Variants in GEN1 observed in about 807,000 individuals in gnomAD.
GEN1 encodes the protein flap endonuclease GEN homolog 1.
In GEN1, 64 loss-of-function variants were observed where a neutral mutation model predicts 67.6. The ratio of observed to expected loss-of-function variants is 0.95; its 90% CI spans 0.77 to 1.17. The LOEUF is 1.17. Among genes scored for constraint, GEN1 ranks in the 50% most tolerant of loss-of-function variants. The probability of loss-of-function intolerance (pLI) is 0.00; values close to 1 mark genes in which losing one functional copy is unlikely to be tolerated. For missense variants in GEN1, 1,058 were observed against 1,048.3 expected (o/e 1.01, Z -0.13); for synonymous variants, 371 against 359.4 (o/e 1.03, Z -0.37).
At chr2:17,753,916 T>TGGGGGAAGCTGGTAGGCACGGGC (rs1671252319), upstream of GEN1, 1 of 147,836 alleles carries the variant, frequency 6.8e-6, no homozygotes, top group African/African-American at 2.5e-5. Flanking sequence ...CCTTAGCGGG[T>TGGGGGAAGCTGGTAGGCACGGGC]GGGGGAAGCT....
chr2:17,764,725 GC>G (rs1671841681), intron 3 of GEN1, among the ~76,000 whole-genome samples, 171 bp from the exon 4 acceptor site: 2 of 152,222 alleles, frequency 1.3e-5, no homozygotes, highest in East Asian at 3.9e-4. Flanking sequence ...ATTCCTTAAA[GC>G]CCTCAAATAT....
chr2:17,777,987 G>C lies in GEN1; in HGVS notation c.1203-15G>C, dbSNP rs752267180. The stretch of plus-strand genomic sequence containing the variant: ...CTTATGCAATTAGACTTCATTAAAT[G>C]AATTTGTTTTTCAGAATTGTTAAGA... On this transcript the variant is annotated splice_polypyrimidine_tract_variant and intron_variant, in intron 11 of 13. Transcript: ENST00000381254. 2.0e-6 allele frequency: 3 copies of C among 1,466,892 alleles called. No individual in the cohort carries two copies. The Admixed American group carries it at 5.1e-5, about 25-fold the overall frequency. The allele number at this position is 1,466,892 out of a possible 1,614,324, so 90.9% of individuals were successfully genotyped here. A position where few individuals can be genotyped will look rare whatever the true frequency, so the allele number is the denominator to read the frequency against.
chr2:17,766,504 A>G (rs1416360303), intron 4 of GEN1, 75 bp from the exon 5 acceptor site: 7 of 803,724 alleles, frequency 8.7e-6, no homozygotes, highest in African/African-American at 3.5e-5. Flanking sequence ...AACATTGACA[A>G]ATTATTTTTG....
intron 5 of GEN1, among the ~76,000 whole-genome samples, chr2:17,767,155 G>A (rs891231905): frequency 5.9e-5 from 9 of 152,140 alleles, no homozygotes; most frequent in Non-Finnish European, 1.2e-4. Context: ...TCTCAGCGTT[G>A]TGCTGGGTTT....
chr2:17,773,526 T>C (rs1275351679), intron 10 of GEN1, among the ~76,000 whole-genome samples: 2 of 152,084 alleles, frequency 1.3e-5, no homozygotes, highest in Non-Finnish European at 2.9e-5. Flanking sequence ...AATTAGCATA[T>C]GTGGATATAT....
intron 7 of GEN1, 65 bp from the exon 8 acceptor site, chr2:17,772,569 G>T (rs1207930135): frequency 2.1e-6 from 3 of 1,443,210 alleles, no homozygotes; most frequent in East Asian, 2.3e-5. Context: ...CTGGCAAAAA[G>T]AATGTATGTA....
At chr2:17,776,334 C>CT (rs34349136) in intron 11 of GEN1, among the ~76,000 whole-genome samples, 5 of 151,350 alleles carry the variant, frequency 3.3e-5, no homozygotes, top group Admixed American at 2.0e-4. Flanking sequence ...CATAAAGGAC[C>CT]TTTTTTTTAG....
intron 7 of GEN1, 127 bp downstream of exon 7, chr2:17,771,414 T>C (rs1672184724): frequency 1.6e-6 from 1 of 634,966 alleles, no homozygotes; most frequent in Non-Finnish European, 2.8e-6. Context: ...CTCCACTAGA[T>C]TAGGAATTCC....
Position 17,786,664 on chromosome 2 carries a change from A to G in GEN1, c.*4725A>G, listed in dbSNP as rs774286657. ...ATTCTCTGTATTTATGTTTCCATACATCATTCAGTTCTTGACTCAAATATC... is the reference window on the plus strand; with the variant it reads ...ATTCTCTGTATTTATGTTTCCATACGTCATTCAGTTCTTGACTCAAATATC... On this transcript the variant is annotated 3_prime_UTR_variant, in exon 14 of 14. Coordinates refer to ENST00000381254, the MANE Select transcript of GEN1 (RefSeq NM_001130009.3). 3.9e-5 allele frequency: 6 copies of G among 152,198 alleles called. No individual in the cohort carries two copies. The highest frequency in any genetic ancestry group is 5.9e-5 in the Non-Finnish European group (4 of 68,026). The allele number at this position is 152,198 out of a possible 1,614,324, so 9.4% of individuals were successfully genotyped here.
At chr2:17,779,308 G>A (rs933540559) in intron 12 of GEN1, among the ~76,000 whole-genome samples, 1 of 152,138 alleles carries the variant, frequency 6.6e-6, no homozygotes, top group Non-Finnish European at 1.5e-5. Context: ...TGAGTTTTAG[G>A]AAACTGTTTC....
rs776824614 is a variant in GEN1, at chr2:17,781,293, A to G, written c.2081A>G (p.Asn694Ser). 2 of 1,613,780 alleles carry G rather than the reference A, an allele frequency of 1.2e-6. No individual in the cohort carries two copies. Among genetic ancestry groups the G allele is most frequent in the Middle Eastern group, 1.7e-4 (1 of 6,060 alleles). Residue 694 changes from asparagine (N) to serine (S), a missense_variant, in exon 14 of 14, where the codon AAC becomes AGC. Asn to Ser is a conservative substitution (Grantham distance 46). Transcript: ENST00000381254. ...CAGGATAATCTACAACCAGATGTCA[A>G]CCTGAAAACTTTGTCCATACTTAGT... ...YPQDNLQPDV[N>S]LKTLSILSVK...
At chr2:17,778,305 TATGTATATACACACACAC>T in intron 12 of GEN1, among the ~76,000 whole-genome samples, 1 of 104,392 alleles carries the variant, frequency 9.6e-6, no homozygotes, top group Non-Finnish European at 2.0e-5. Context: ...TGTGTACATA[TATGTATATACACACACAC>T]GTGTACATAT....
chr2:17,778,321 C>CGTGTGT (rs1477208123), intron 12 of GEN1, among the ~76,000 whole-genome samples: 405 of 21,068 alleles, frequency 0.019, 132 homozygotes, highest in African/African-American at 0.051. Context: ...TATACACACA[C>CGTGTGT]ACGTGTACAT....
At chr2:17,753,562 G>A (rs1296774804), upstream of GEN1, 2 of 122,246 alleles carry the variant, frequency 1.6e-5, no homozygotes, top group African/African-American at 5.1e-5. Flanking sequence ...GCCAGCCAAG[G>A]GGGCAGCGGG....
intron 7 of GEN1, among the ~76,000 whole-genome samples, chr2:17,771,788 T>TA (rs5829604): frequency 0.51 from 75,200 of 146,758 alleles, 21,446 homozygotes; most frequent in East Asian, 0.95. Context: ...AGTCTTGGTT[T>TA]AAAAAAAAAA....
intron 4 of GEN1, 81 bp downstream of exon 4, chr2:17,765,154 T>G: frequency 7.4e-7 from 1 of 1,351,568 alleles, no homozygotes; most frequent in Admixed American, 1.9e-5. Context: ...ATAGTAGATA[T>G]AAAATGCTTA....
rs1553331284 is a variant in GEN1 at position 17,778,323 on chromosome 2, C to CATATATGTATATACACACACATATGT, written c.1264+260_1264+261insATATATGTATATACACACACATATGT. Reference sequence around the variant, plus strand: ...GTACATATATGTATATACACACACACGTGTACATATATGTATACACACACA... The same window carrying CATATATGTATATACACACACATATGT: ...GTACATATATGTATATACACACACACATATATGTATATACACACACATATGTGTGTACATATATGTATACACACACA... On this transcript the variant is annotated intron_variant, in intron 12 of 13. Coordinates refer to ENST00000381254, the MANE Select transcript of GEN1 (RefSeq NM_001130009.3). Among the ~76,000 whole-genome samples the CATATATGTATATACACACACATATGT allele has an allele frequency of 1.0e-3, 31 of 30,876 alleles. 4 individuals are homozygous for CATATATGTATATACACACACATATGT. The highest frequency in any genetic ancestry group is 3.1e-3 in the African/African-American group (29 of 9,360). 20.3% of individuals were successfully genotyped at this position (30,876 alleles called of 152,430 possible).
chr2:17,780,956 G>A lies in GEN1; in HGVS notation c.1744G>A (p.Asp582Asn), dbSNP rs1231680180. 1 of 1,613,540 alleles carries A rather than the reference G, an allele frequency of 6.2e-7. No homozygotes were observed. Among genetic ancestry groups the A allele is most frequent in the South Asian group, 1.1e-5 (1 of 91,048 alleles). ...TSSHNISVIA[D>N]LHLSTIDWEG... is the part of the protein sequence containing the mutation. Reference sequence around the variant, plus strand: ...ATCTCATAATATATCCGTGATTGCTGATCTACACTTGAGCACTATTGACTG... The same window carrying A: ...ATCTCATAATATATCCGTGATTGCTAATCTACACTTGAGCACTATTGACTG... Residue 582 changes from aspartate to asparagine, a missense_variant, in exon 14 of 14, where the codon GAT becomes AAT. Asp to Asn is a conservative substitution (Grantham distance 23). Coordinates refer to ENST00000381254, the MANE Select transcript of GEN1 (RefSeq NM_001130009.3).
chr2:17,781,206 C>A lies in GEN1; in HGVS notation c.1994C>A (p.Thr665Asn). 5.0e-6 allele frequency: 8 copies of A among 1,613,592 alleles called. No individual in the cohort carries two copies. Among genetic ancestry groups the A allele is most frequent in the Non-Finnish European group, 5.9e-6 (7 of 1,179,616 alleles). Residue 665 changes from threonine (T) to asparagine (N), a missense_variant, in exon 14 of 14, where the codon ACT becomes AAT. Transcript: ENST00000381254. ...GAAGAGCATCTACTTTCTGGCATTA[C>A]TGATTTATGTCTTCAGGATTTGCCT... Reference protein sequence around the residue: ...SPEEHLLSGITDLCLQDLPLK... With the variant: ...SPEEHLLSGINDLCLQDLPLK...
Sources: gnomAD v4.1 joint callset for allele counts (sites outside exome capture counted in the v4.1 genomes callset) on GRCh38, gnomAD v4.1.1 for gene constraint, MANE v1.5 for transcripts, NCBI Gene and HGNC (gene_info 2026-07-23, HGNC 2026-07-21) for gene names.